Variants in B3GALNT2 observed in about 807,000 individuals in gnomAD.
B3GALNT2 encodes the protein UDP-GalNAc:beta-1,3-N-acetylgalactosaminyltransferase 2.
B3GALNT2 carries 53 observed loss-of-function variants against 61.1 expected under a neutral mutation model. The observed-to-expected ratio is 0.87, with a 90% CI of 0.70 to 1.09. The LOEUF (loss-of-function observed/expected upper bound fraction) is 1.09. Ranked by LOEUF, B3GALNT2 falls within the 50% of genes least tolerant of loss-of-function variation. The pLI is 0.00. For missense variants in B3GALNT2, 544 were observed against 623.0 expected (o/e 0.87, Z 1.35); for synonymous variants, 223 against 237.4 (o/e 0.94, Z 0.56).
chr1:235,500,444 C>T (rs1041494005), intron 1 of B3GALNT2, among the ~76,000 whole-genome samples: 4 of 152,166 alleles, frequency 2.6e-5, no homozygotes, highest in Admixed American at 2.6e-4. Context: ...GGTGCCACTG[C>T]ACTCCAGCCT....
rs1413072475 is a variant in B3GALNT2, at chr1:235,474,972, TATATATATATATA to T, written c.652-4025_652-4013del. Reference sequence around the variant, plus strand: ...AGACATATATATATATATATATATATATATATATATATATATTTTTTTTTTTTTTTTTTTTTTT... The same window carrying T: ...AGACATATATATATATATATATATATTATTTTTTTTTTTTTTTTTTTTTTT... On this transcript the variant is annotated intron_variant, in intron 5 of 11. Coordinates refer to ENST00000366600, the MANE Select transcript of B3GALNT2 (RefSeq NM_152490.5). Among the ~76,000 whole-genome samples the T allele has an allele frequency of 3.5e-3, 142 of 40,264 alleles. 2 individuals carry two copies. The highest frequency in any genetic ancestry group is 0.01 in the Middle Eastern group (1 of 96). The allele number at this position is 40,264 out of a possible 152,430, so 26.4% of individuals were successfully genotyped here.
At chr1:235,457,910 T>C (rs1003652908) in intron 8 of B3GALNT2, among the ~76,000 whole-genome samples, 2 of 151,508 alleles carry the variant, frequency 1.3e-5, no homozygotes, top group Admixed American at 1.3e-4. Flanking sequence ...TTTTTTTTTT[T>C]TTTTCTTTTT....
chr1:235,471,649 C>T (rs769238853), intron 5 of B3GALNT2, among the ~76,000 whole-genome samples: 15 of 152,082 alleles, frequency 9.9e-5, no homozygotes, highest in Non-Finnish European at 1.3e-4. Flanking sequence ...CAAAATGATT[C>T]CTTATTTAGT....
chr1:235,473,850 A>C (rs541215630), intron 5 of B3GALNT2, among the ~76,000 whole-genome samples: 1 of 152,372 alleles, frequency 6.6e-6, no homozygotes, highest in East Asian at 1.9e-4. Context: ...AGATGATGAT[A>C]AAACGAGTAA....
chr1:235,448,412 A>C lies in B3GALNT2; in HGVS notation c.*1794T>G. On this transcript the variant is annotated 3_prime_UTR_variant, in exon 12 of 12. Transcript: ENST00000366600. ...CGTCTTCTCAAAGTTCCTGTGTCAG[A>C]CCTTCTGTTGTCCTATGAAAGTCCC... 1 of 1,614,060 alleles carries C rather than the reference A, an allele frequency of 6.2e-7. No homozygotes were observed. Among genetic ancestry groups the C allele is most frequent in the Non-Finnish European group, 8.5e-7 (1 of 1,179,980 alleles).
At chr1:235,443,108 C>T (rs1427810974), downstream of B3GALNT2, 2 of 608,340 alleles carry the variant, frequency 3.3e-6, no homozygotes, top group African/African-American at 1.9e-5. Flanking sequence ...TTCAGGTCTC[C>T]CCTAACTTTA....
intron 11 of B3GALNT2, chr1:235,451,578 A>G (rs1202625497): frequency 6.6e-6 from 1 of 152,118 alleles, no homozygotes; most frequent in African/African-American, 2.4e-5. Context: ...TACAGATCCC[A>G]GAATTACCAG....
At chr1:235,446,833 C>T (rs79166601), downstream of B3GALNT2, among the ~76,000 whole-genome samples, 120 of 151,892 alleles carry the variant, frequency 7.9e-4, no homozygotes, top group African/African-American at 2.8e-3. Context: ...TAGAGGCGTA[C>T]ATCGCTATGC....
At chr1:235,459,348 C>T (rs1315240510) in intron 7 of B3GALNT2, among the ~76,000 whole-genome samples, 2 of 152,146 alleles carry the variant, frequency 1.3e-5, no homozygotes, top group African/African-American at 2.4e-5. Flanking sequence ...CATGGTCAGG[C>T]GTGGTGGCTT....
chr1:235,458,555 A>AC (rs1390839965), intron 8 of B3GALNT2, 48 bp downstream of exon 8: 8 of 1,533,176 alleles, frequency 5.2e-6, no homozygotes, highest in Non-Finnish European at 7.0e-6. Flanking sequence ...AAAAAAAAAA[A>AC]ACTAACAATA....
chr1:235,458,303 A>G (rs942511258), intron 8 of B3GALNT2, among the ~76,000 whole-genome samples: 3 of 152,200 alleles, frequency 2.0e-5, no homozygotes, highest in African/African-American at 7.2e-5. Context: ...ACTGGGATAC[A>G]ATAGGTCATA....
At position 235,450,057 on chromosome 1, in the gene B3GALNT2, A is replaced by G. The variant is rs1682796347; in HGVS notation, c.*149T>C. The G allele has an allele frequency of 9.9e-6, 9 of 905,158 alleles. No homozygotes were observed. The highest frequency in any genetic ancestry group is 9.9e-5 in the South Asian group (5 of 50,612). 56.1% of individuals were successfully genotyped at this position (905,158 alleles called of 1,614,324 possible). The stretch of plus-strand genomic sequence containing the variant: ...AAGGAAATTTGTGCAAACATTAAGA[A>G]ACACCGCATTGGTTCTGGGTGAAAG... On this transcript the variant is annotated 3_prime_UTR_variant, in exon 12 of 12. Coordinates refer to ENST00000366600, the MANE Select transcript of B3GALNT2 (RefSeq NM_152490.5).
chr1:235,496,389 C>T (rs931941672), intron 1 of B3GALNT2: 8 of 839,450 alleles, frequency 9.5e-6, no homozygotes, highest in Admixed American at 1.2e-4. Flanking sequence ...TGTACTAAAA[C>T]GAATTCTTTT....
chr1:235,461,507 G>GT (rs57611133), intron 7 of B3GALNT2, among the ~76,000 whole-genome samples: 21,721 of 63,336 alleles, frequency 0.34, 7,873 homozygotes, highest in East Asian at 0.46. Flanking sequence ...ATGACCTCCT[G>GT]TTTTTTTTTT....
intron 6 of B3GALNT2, among the ~76,000 whole-genome samples, chr1:235,467,235 G>C (rs1363396838): frequency 6.6e-6 from 1 of 152,076 alleles, no homozygotes; most frequent in Non-Finnish European, 1.5e-5. Context: ...TATAATCCCA[G>C]CTACTCTGGA....
At chr1:235,475,511 A>C (rs985388158) in intron 5 of B3GALNT2, among the ~76,000 whole-genome samples, 5 of 152,114 alleles carry the variant, frequency 3.3e-5, no homozygotes, top group African/African-American at 4.8e-5. Context: ...AATGGAATAC[A>C]CTACCTACTT....
the B3GALNT2 span, among the ~76,000 whole-genome samples, chr1:235,440,657 G>A: frequency 1.3e-5 from 2 of 152,078 alleles, no homozygotes; most frequent in African/African-American, 4.8e-5. Flanking sequence ...GCCTCCCAAA[G>A]TGCTGGGATT....
chr1:235,488,723 A>G (rs9787165), intron 3 of B3GALNT2, among the ~76,000 whole-genome samples: 25,346 of 105,304 alleles, frequency 0.24, 3,796 homozygotes, highest in East Asian at 0.54. Context: ...AAAAAAAAAG[A>G]TGAGACATAA....
Position 235,449,908 on chromosome 1 carries a change from A to G in B3GALNT2, c.*298T>C. ...AACTATAGGTAATGGTGAATTACTA[A>G]TTAGCCACAATGCATCAGGATTTAG... On this transcript the variant is annotated 3_prime_UTR_variant, in exon 12 of 12. Coordinates refer to ENST00000366600, the MANE Select transcript of B3GALNT2 (RefSeq NM_152490.5). 1 of 243,554 alleles carries G rather than the reference A, an allele frequency of 4.1e-6. No homozygotes were observed. Among genetic ancestry groups the G allele is most frequent in the South Asian group, 7.0e-5 (1 of 14,256 alleles). 15.1% of individuals were successfully genotyped at this position (243,554 alleles called of 1,614,324 possible). A position where few individuals can be genotyped will look rare whatever the true frequency, so the allele number is the denominator to read the frequency against.
Sources: allele counts gnomAD v4.1 joint callset (sites outside exome capture counted in the v4.1 genomes callset), GRCh38; gene constraint gnomAD v4.1.1; transcripts MANE v1.5; gene names NCBI Gene and HGNC (gene_info 2026-07-23, HGNC 2026-07-21).